Variants in SLC39A12 observed in about 807,000 individuals in gnomAD.
SLC39A12 encodes the protein solute carrier family 39 member 12, also known as zinc transporter ZIP12.
SLC39A12 carries 63 observed loss-of-function variants against 71.1 expected under a neutral mutation model. That is an observed-to-expected ratio of 0.89 (90% confidence interval 0.72 to 1.09). The LOEUF (loss-of-function observed/expected upper bound fraction) is 1.09, where lower values mean the gene tolerates loss of function less well. Among genes scored for constraint, SLC39A12 ranks in the 50% least tolerant of loss-of-function variants. The pLI, the probability that SLC39A12 is intolerant of heterozygous loss-of-function variation, is 0.00. For missense variants in SLC39A12, 892 were observed against 812.6 expected, an observed-to-expected ratio of 1.10 and a Z score of -1.19; for synonymous variants, 351 against 301.3, an observed-to-expected ratio of 1.16 and a Z score of -1.71.
intron 12 of SLC39A12, among the ~76,000 whole-genome samples, chr10:18,024,067 C>T (rs866541228): frequency 6.6e-6 from 1 of 152,110 alleles, no homozygotes; most frequent in East Asian, 1.9e-4. Flanking sequence ...GGATCAGCAT[C>T]CCAGAGAAAT....
chr10:18,039,993 AGTTT>A (rs893727138), intron 12 of SLC39A12, among the ~76,000 whole-genome samples: 16 of 152,238 alleles, frequency 1.1e-4, no homozygotes, highest in Non-Finnish European at 2.2e-4. Flanking sequence ...AAACGGGGAA[AGTTT>A]GTCATAAATC....
At chr10:17,959,173 C>T (rs370696654) in intron 2 of SLC39A12, among the ~76,000 whole-genome samples, 4 of 151,748 alleles carry the variant, frequency 2.6e-5, no homozygotes, top group Non-Finnish European at 2.9e-5. Context: ...TCAATGGATT[C>T]GCTTTTTGGG....
At chr10:17,979,123 C>T (rs1303293918) in intron 5 of SLC39A12, among the ~76,000 whole-genome samples, 5 of 152,108 alleles carry the variant, frequency 3.3e-5, no homozygotes, top group African/African-American at 1.2e-4. Flanking sequence ...TTCAAAATTA[C>T]ATAGGAAGGA....
At position 17,987,605 on chromosome 10, in the gene SLC39A12, C is replaced by T. The variant is rs1309826784; in HGVS notation, c.1223C>T (p.Ala408Val). The change falls in exon 7 of 13, where the codon GCC becomes GTC. Residue 408 changes from alanine (A) to valine (V), a missense_variant. Coordinates refer to ENST00000377369, the MANE Select transcript of SLC39A12 (RefSeq NM_001145195.2). ...RLILQLFVGLAVGTLSGDALL... is the reference protein window; with the variant it reads ...RLILQLFVGLVVGTLSGDALL... The stretch of plus-strand genomic sequence containing the variant: ...ATCTTACAGCTGTTTGTGGGCTTGG[C>T]CGTCGGGACACTGTCTGGGGACGCT... 6.2e-7 allele frequency: 1 copy of T among 1,614,034 alleles called. No homozygotes were observed.
At position 18,000,761 on chromosome 10, in the gene SLC39A12, A is replaced by G. The variant is rs778646270; in HGVS notation, c.1695A>G (p.Ser565=). ...TAGCCATAGGAGCAGCCTTCTCATC[A>G]TCATCCGAGTCAGGAGTGACCACTA... The part of the protein sequence containing the change: ...DGLAIGAAFS[S]SSESGVTTTI... The change falls in exon 11 of 13, where the codon TCA becomes TCG. Residue 565 remains serine (S), a synonymous_variant. Coordinates refer to ENST00000377369, the MANE Select transcript of SLC39A12 (RefSeq NM_001145195.2). 1.3e-5 allele frequency: 21 copies of G among 1,614,100 alleles called. No homozygotes were observed. In the Admixed American group the frequency reaches 2.0e-4, roughly 15 times the overall value.
chr10:18,029,437 A>G (rs557482092), intron 12 of SLC39A12, among the ~76,000 whole-genome samples: 65 of 152,320 alleles, frequency 4.3e-4, no homozygotes, highest in African/African-American at 1.5e-3. Flanking sequence ...CTTCTTGACT[A>G]ACAACTCTTT....
chr10:17,977,390 T>C (rs1835136427), intron 4 of SLC39A12, among the ~76,000 whole-genome samples: 1 of 152,076 alleles, frequency 6.6e-6, no homozygotes, highest in African/African-American at 2.4e-5. Flanking sequence ...AGAAGATGTA[T>C]AAATCCATAT....
At chr10:17,989,494 C>G (rs1029113956) in intron 7 of SLC39A12, among the ~76,000 whole-genome samples, 4 of 152,220 alleles carry the variant, frequency 2.6e-5, no homozygotes, top group Non-Finnish European at 5.9e-5. Flanking sequence ...TCAGGTCAGC[C>G]TGAGTCTCCC....
chr10:18,003,750 T>G (rs1343606894), intron 12 of SLC39A12, among the ~76,000 whole-genome samples: 1 of 152,222 alleles, frequency 6.6e-6, no homozygotes, highest in Non-Finnish European at 1.5e-5. Context: ...GTTCTGTCAA[T>G]CAGCCAGCTA....
intron 6 of SLC39A12, among the ~76,000 whole-genome samples, chr10:17,987,169 C>T (rs1025342606): frequency 1.3e-5 from 2 of 151,768 alleles, no homozygotes; most frequent in Non-Finnish European, 2.9e-5. Flanking sequence ...TCTCTACAAA[C>T]AAAAAATACC....
At chr10:17,953,976 AT>A (rs1834475147) in intron 2 of SLC39A12, among the ~76,000 whole-genome samples, 1 of 152,146 alleles carries the variant, frequency 6.6e-6, no homozygotes, top group African/African-American at 2.4e-5. Context: ...GTATTTTCTA[AT>A]ATTATGCATG....
At chr10:18,014,231 T>G (rs1330367664) in intron 12 of SLC39A12, among the ~76,000 whole-genome samples, 1 of 152,202 alleles carries the variant, frequency 6.6e-6, no homozygotes, top group African/African-American at 2.4e-5. Context: ...TAAATACATT[T>G]GTTTTCGTTT....
intron 10 of SLC39A12, among the ~76,000 whole-genome samples, chr10:17,998,163 T>G (rs1177851048): frequency 2.6e-5 from 4 of 152,170 alleles, no homozygotes; most frequent in African/African-American, 9.7e-5. Flanking sequence ...ATATACACAG[T>G]GTGTTCTTTA....
intron 12 of SLC39A12, among the ~76,000 whole-genome samples, chr10:18,033,127 T>A (rs1481654808): frequency 7.1e-6 from 1 of 141,466 alleles, no homozygotes; most frequent in Non-Finnish European, 1.5e-5. Flanking sequence ...TGGTTGTGTC[T>A]CTGCCCGGCT....
intron 2 of SLC39A12, among the ~76,000 whole-genome samples, chr10:17,957,657 A>T (rs1834584111): frequency 6.6e-6 from 1 of 152,080 alleles, no homozygotes; most frequent in Non-Finnish European, 1.5e-5. Context: ...AAAAACATTA[A>T]CAACAAAACA....
intron 12 of SLC39A12, among the ~76,000 whole-genome samples, chr10:18,037,396 A>G (rs977270918): frequency 6.6e-6 from 1 of 151,672 alleles, no homozygotes; most frequent in Admixed American, 6.6e-5. Flanking sequence ...AATTTCAGAT[A>G]GAAACAGTGA....
At chr10:18,022,459 T>C (rs1478111079) in intron 12 of SLC39A12, among the ~76,000 whole-genome samples, 1 of 152,216 alleles carries the variant, frequency 6.6e-6, no homozygotes. Context: ...ATTTATATAG[T>C]GAGTTTTTCA....
intron 12 of SLC39A12, among the ~76,000 whole-genome samples, chr10:18,018,607 A>G (rs1407832935): frequency 6.6e-6 from 1 of 152,176 alleles, no homozygotes; most frequent in Non-Finnish European, 1.5e-5. Context: ...GATTTTGTCA[A>G]ATACTTTTCC....
At chr10:17,966,747 A>T (rs1589222188) in intron 4 of SLC39A12, among the ~76,000 whole-genome samples, 1 of 152,076 alleles carries the variant, frequency 6.6e-6, no homozygotes, top group East Asian at 1.9e-4. Flanking sequence ...AGGCGGGTGG[A>T]TCACTTGAGG....
Sources: gnomAD v4.1 joint callset for allele counts (sites outside exome capture counted in the v4.1 genomes callset) on GRCh38, gnomAD v4.1.1 for gene constraint, MANE v1.5 for transcripts, NCBI Gene and HGNC (gene_info 2026-07-23, HGNC 2026-07-21) for gene names.